The following TTYH2 variants were observed in gnomAD, a reference collection of about 807,000 sequenced individuals.
The protein encoded by TTYH2 is tweety family member 2.
In TTYH2, 49 loss-of-function variants were observed where a neutral mutation model predicts 68.3. The ratio of observed to expected loss-of-function variants is 0.72; its 90% CI spans 0.57 to 0.91. The LOEUF (loss-of-function observed/expected upper bound fraction) is 0.91. Ranked by LOEUF, TTYH2 falls within the 40% of genes least tolerant of loss-of-function variation. TTYH2 has a pLI of 0.00. For missense variants in TTYH2, 631 were observed against 700.4 expected, an observed-to-expected ratio of 0.90 and a Z score of 1.12; for synonymous variants, 272 against 300.8, an observed-to-expected ratio of 0.90 and a Z score of 0.99.
At chr17:74,257,595 T>C (rs1174770826) in intron 13 of TTYH2, among the ~76,000 whole-genome samples, 1 of 152,202 alleles carries the variant, frequency 6.6e-6, no homozygotes, top group Admixed American at 6.5e-5. Context: ...GGGTGGGTGA[T>C]GTCACGCCTG....
At chr17:74,253,640 G>T (rs1288014010) in intron 12 of TTYH2, 115 bp from the exon 13 acceptor site, 2 of 981,570 alleles carry the variant, frequency 2.0e-6, no homozygotes, top group African/African-American at 3.2e-5. Flanking sequence ...TCTATCTGTG[G>T]TTTGGTTCCA....
At chr17:74,221,665 ACCAGGCCTCCTGACAGACTGGCT>A (rs1286109489) in intron 1 of TTYH2, among the ~76,000 whole-genome samples, 1 of 152,180 alleles carries the variant, frequency 6.6e-6, no homozygotes, top group African/African-American at 2.4e-5. Context: ...AGAGAGTGGC[ACCAGGCCTCCTGACAGACTGGCT>A]CCCATTGCAG....
At position 74,215,568 on chromosome 17, in the gene TTYH2, G is replaced by A; in HGVS notation, c.129+1852G>A. On this transcript the variant is annotated intron_variant, in intron 1 of 13. Coordinates refer to ENST00000269346, the MANE Select transcript of TTYH2 (RefSeq NM_032646.6). The surrounding 1 kb of genome is among the most constrained non-coding windows in gnomAD (Gnocchi z 4.3). ...TCCCTTCCCATCGGCCACTGCTCCT[G>A]GGCAGCTGACACCAGCCCTGCCCAC... The A allele has an allele frequency of 6.7e-7, 1 of 1,484,060 alleles. No individual in the cohort carries two copies. Among genetic ancestry groups the A allele is most frequent in the Non-Finnish European group, 9.1e-7 (1 of 1,103,858 alleles). The allele number at this position is 1,484,060 out of a possible 1,614,324, so 91.9% of individuals were successfully genotyped here.
rs12452652 is a variant in TTYH2 at position 74,239,422 on chromosome 17, C to A, written c.635+1908C>A. Among the ~76,000 whole-genome samples, 4,336 of 152,322 alleles carry A rather than the reference C, an allele frequency of 0.028. 251 individuals carry two copies. Among genetic ancestry groups the A allele is most frequent in the Admixed American group, 0.13 (2,017 of 15,298 alleles). ...CCGCACCCTCCATTTGTTGGCTCCT[C>A]TTCAAGCCATTGATGAACGTCAGAG... On this transcript the variant is annotated intron_variant, in intron 4 of 13. Coordinates refer to ENST00000269346, the MANE Select transcript of TTYH2 (RefSeq NM_032646.6). This position sits in a 1 kb window ranked among gnomAD's most constrained non-coding sequence, Gnocchi z 5.3.
chr17:74,231,051 G>A (rs1042845199), intron 3 of TTYH2, 52 bp downstream of exon 3: 41 of 1,560,274 alleles, frequency 2.6e-5, no homozygotes, highest in Admixed American at 5.0e-5. Context: ...CAAGGTCAGC[G>A]TGGTCAGAGC....
chr17:74,255,465 T>A (rs2050684157), intron 13 of TTYH2, among the ~76,000 whole-genome samples: 1 of 152,122 alleles, frequency 6.6e-6, no homozygotes, highest in African/African-American at 2.4e-5. Flanking sequence ...TTTTTATTTT[T>A]TTTTGAGACG....
At chr17:74,238,942 C>T (rs954196242) in intron 4 of TTYH2, among the ~76,000 whole-genome samples, 1 of 151,954 alleles carries the variant, frequency 6.6e-6, no homozygotes, top group Non-Finnish European at 1.5e-5. Context: ...AACTCCTGGC[C>T]TCAAGCAATC....
intron 1 of TTYH2, among the ~76,000 whole-genome samples, chr17:74,218,716 G>C (rs183228810): frequency 6.6e-6 from 1 of 152,144 alleles, no homozygotes; most frequent in Non-Finnish European, 1.5e-5. Flanking sequence ...AGAGTGAAAC[G>C]GGGGAGCAGG....
chr17:74,238,191 C>T (rs529796506), intron 4 of TTYH2, among the ~76,000 whole-genome samples: 1 of 152,266 alleles, frequency 6.6e-6, no homozygotes, highest in Admixed American at 6.5e-5. Context: ...AGGTTCCTCG[C>T]CTGCCAGAGT....
Position 74,214,107 on chromosome 17 carries a change from A to G in TTYH2, c.129+391A>G, listed in dbSNP as rs1388440006. On this transcript the variant is annotated intron_variant, in intron 1 of 13. Transcript: ENST00000269346. This position sits in a 1 kb window ranked among gnomAD's most constrained non-coding sequence, Gnocchi z 4.6. ...GCGGGGATGCTGAGGGGTGCCCCGA[A>G]GTTTTCGACCGTCTGAGATTCCAAG... Among the ~76,000 whole-genome samples, 1 of 152,122 alleles carries G rather than the reference A, an allele frequency of 6.6e-6. No individual in the cohort carries two copies. The highest frequency in any genetic ancestry group is 2.4e-5 in the African/African-American group (1 of 41,430).
At chr17:74,237,689 C>T (rs1233370203) in intron 4 of TTYH2, among the ~76,000 whole-genome samples, 175 bp downstream of exon 4, 4 of 151,912 alleles carry the variant, frequency 2.6e-5, no homozygotes, top group Admixed American at 1.3e-4. Context: ...TGAAGTGGCA[C>T]GATCTCAGCT....
chr17:74,254,803 TTTC>T (rs2050676312), intron 13 of TTYH2, among the ~76,000 whole-genome samples: 2 of 152,266 alleles, frequency 1.3e-5, no homozygotes, highest in South Asian at 4.1e-4. Context: ...AGGAATTTTT[TTTC>T]TTTTTAGATT....
In TTYH2 at chr17:74,215,513, G is replaced by A; in HGVS notation, c.129+1797G>A. On this transcript the variant is annotated intron_variant, in intron 1 of 13. Transcript: ENST00000269346. The surrounding 1 kb of genome is among the most constrained non-coding windows in gnomAD (Gnocchi z 4.3). ...CAGGATTCTGGCCCCGGCTCACTTT[G>A]TGCTGGGCATCAAATGGTTCCAGAG... is the stretch of plus-strand genomic sequence containing the variant. 1.0e-6 allele frequency: 1 copy of A among 963,982 alleles called. No homozygotes were observed. The highest frequency in any genetic ancestry group is 1.5e-6 in the Non-Finnish European group (1 of 657,528). The allele number at this position is 963,982 out of a possible 1,614,324, so 59.7% of individuals were successfully genotyped here.
chr17:74,234,428 T>C (rs188151696), intron 3 of TTYH2, among the ~76,000 whole-genome samples: 479 of 152,336 alleles, frequency 3.1e-3, no homozygotes, highest in Non-Finnish European at 5.3e-3. Flanking sequence ...CCTGAAACTT[T>C]AAGGAATTGG....
Position 74,249,408 on chromosome 17 carries a change from C to A in TTYH2, c.930+9C>A, listed in dbSNP as rs1342349296. 6.2e-7 allele frequency: 1 copy of A among 1,613,442 alleles called. No individual in the cohort carries two copies. Among genetic ancestry groups the A allele is most frequent in the Non-Finnish European group, 8.5e-7 (1 of 1,179,988 alleles). On this transcript the variant is annotated intron_variant, in intron 8 of 13. Transcript: ENST00000269346. ...GCAGCCCCTTCCAGCAGGTATGGCC[C>A]CCCGAGGCCTGCCCTCACCCTGCCC...
At chr17:74,230,245 C>T (rs866374023) in intron 2 of TTYH2, among the ~76,000 whole-genome samples, 4 of 145,014 alleles carry the variant, frequency 2.8e-5, no homozygotes, top group South Asian at 2.2e-4. Context: ...ATGGTGGACA[C>T]GTCATTTTTT....
At chr17:74,234,647 C>CG (rs1439859592) in intron 3 of TTYH2, among the ~76,000 whole-genome samples, 2 of 151,690 alleles carry the variant, frequency 1.3e-5, no homozygotes, top group Non-Finnish European at 2.9e-5. Flanking sequence ...ATACTGCCTT[C>CG]TTTTTTTTTC....
rs115269209 is a variant in TTYH2 at position 74,215,850 on chromosome 17, C to A, written c.129+2134C>A. The A allele has an allele frequency of 2.3e-5, 19 of 835,506 alleles. No homozygotes were observed. The highest frequency in any genetic ancestry group is 1.2e-4 in the South Asian group (7 of 60,326). 51.8% of individuals were successfully genotyped at this position (835,506 alleles called of 1,614,324 possible). A position where few individuals can be genotyped will look rare whatever the true frequency, so the allele number is the denominator to read the frequency against. ...TGACTGGAGCAAGTGCTATGCCAGG[C>A]GTGGGGTGACCGTGGTAACCAAGGC... On this transcript the variant is annotated intron_variant, in intron 1 of 13. Coordinates refer to ENST00000269346, the MANE Select transcript of TTYH2 (RefSeq NM_032646.6). The surrounding 1 kb of genome is among the most constrained non-coding windows in gnomAD (Gnocchi z 4.3).
At chr17:74,240,507 C>T (rs1247472709) in intron 4 of TTYH2, among the ~76,000 whole-genome samples, 2 of 152,008 alleles carry the variant, frequency 1.3e-5, no homozygotes, top group African/African-American at 4.8e-5. Context: ...CAGTGATATT[C>T]TACCCCTTCT....
Sources: allele counts gnomAD v4.1 joint callset (sites outside exome capture counted in the v4.1 genomes callset), GRCh38; gene constraint gnomAD v4.1.1; non-coding constraint Gnocchi (gnomAD v3.1); transcripts MANE v1.5; gene names NCBI Gene and HGNC (gene_info 2026-07-23, HGNC 2026-07-21).